Variants in ATG9A observed in about 807,000 individuals in gnomAD.
The protein encoded by ATG9A is autophagy related 9A, also known as autophagy-related protein 9A.
A neutral mutation model predicts 87.1 loss-of-function variants in ATG9A; 21 were observed. The observed-to-expected ratio is 0.24, with a 90% CI of 0.17 to 0.35. ATG9A has a LOEUF of 0.35. Among genes scored for constraint, ATG9A ranks in the 10% least tolerant of loss-of-function variants. The pLI is 1.00. For missense variants in ATG9A, 836 were observed against 1,107.3 expected (o/e 0.76, Z 3.48); for synonymous variants, 422 against 441.3 (o/e 0.96, Z 0.55).
rs369827739 is a variant in ATG9A, at chr2:219,224,229, G to A, written c.1142C>T (p.Ala381Val). The A allele has an allele frequency of 6.2e-7, 1 of 1,613,894 alleles. No individual in the cohort carries two copies. Among genetic ancestry groups the A allele is most frequent in the South Asian group, 1.1e-5 (1 of 91,086 alleles). ...PLLTLLAKNG[A>V]FFAGSILAVL... ...AGCCAGGATGGAGCCAGCGAAGAAG[G>A]CTCCATTCTTGGCCAGCAGTGTCAA... The change falls in exon 8 of 16, where the codon GCC becomes GTC. Residue 381 changes from alanine (A) to valine (V), a missense_variant. This residue lies in a region of ATG9A where 512 missense variants were observed against 759.6 expected (regional missense o/e 0.67). Coordinates refer to ENST00000361242, the MANE Select transcript of ATG9A (RefSeq NM_001077198.3). The surrounding 1 kb of genome is among the most constrained non-coding windows in gnomAD (Gnocchi z 7.7).
At position 219,224,219 on chromosome 2, in the gene ATG9A, A is replaced by G; in HGVS notation, c.1152T>C (p.Ala384=). 5 of 1,613,886 alleles carry G rather than the reference A, an allele frequency of 3.1e-6. No individual in the cohort carries two copies. The highest frequency in any genetic ancestry group is 4.2e-6 in the Non-Finnish European group (5 of 1,180,044). ...CAATAAGCACAGCCAGGATGGAGCC[A>G]GCGAAGAAGGCTCCATTCTTGGCCA... The part of the protein sequence containing the change: ...TLLAKNGAFF[A]GSILAVLIAL... Residue 384 remains alanine (A), a synonymous_variant, in exon 8 of 16, where the codon GCT becomes GCC. Transcript: ENST00000361242. The surrounding 1 kb of genome is among the most constrained non-coding windows in gnomAD (Gnocchi z 7.7).
chr2:219,222,558 G>A lies in ATG9A; in HGVS notation c.1848+87C>T, dbSNP rs1019971678. On this transcript the variant is annotated intron_variant, in intron 11 of 15. Transcript: ENST00000361242. This position sits in a 1 kb window ranked among gnomAD's most constrained non-coding sequence, Gnocchi z 4.3. ...AGTGGCACATACTGAAGAGACAGCA[G>A]GAAGCCTTCCACCCCATGCCCGGTC... 1.3e-6 allele frequency: 2 copies of A among 1,586,230 alleles called. No individual in the cohort carries two copies. Among genetic ancestry groups the A allele is most frequent in the Admixed American group, 1.7e-5 (1 of 58,818 alleles).
At chr2:219,225,656 G>T (rs1413370119) in intron 5 of ATG9A, 84 bp from the exon 6 acceptor site, 23 of 1,462,334 alleles carry the variant, frequency 1.6e-5, no homozygotes, top group Non-Finnish European at 2.1e-5. Context: ...GTCTGGAGGT[G>T]GCAGAACAAG....
rs1441264495 is a variant in ATG9A at position 219,220,900 on chromosome 2, G to A, written c.2369-8C>T. The A allele has an allele frequency of 1.2e-6, 2 of 1,612,806 alleles. No individual in the cohort carries two copies. The highest frequency in any genetic ancestry group is 1.3e-5 in the African/African-American group (1 of 74,760). On this transcript the variant is annotated splice_region_variant and splice_polypyrimidine_tract_variant and intron_variant, in intron 14 of 15. Transcript: ENST00000361242. ...TGGGCACTGTGCCAGGATCTGGAGAGACAAGTAAGAGTAAGCATACTCATA... is the reference window on the plus strand; with the variant it reads ...TGGGCACTGTGCCAGGATCTGGAGAAACAAGTAAGAGTAAGCATACTCATA...
At chr2:219,228,957 A>G (rs1331452821) in intron 1 of ATG9A, 1 of 152,076 alleles carries the variant, frequency 6.6e-6, no homozygotes, top group African/African-American at 2.4e-5. Context: ...TCCTAGGTGA[A>G]TTTGTGGGTT....
rs759728426 is a variant in ATG9A, at chr2:219,223,936, T to C, written c.1352A>G (p.His451Arg). Reference sequence around the variant, plus strand: ...CGAGCGGTGGGCATTACCCTGCCAGTGGTCAGGCATGTAGTGGATGTGAGC... The same window carrying C: ...CGAGCGGTGGGCATTACCCTGCCAGCGGTCAGGCATGTAGTGGATGTGAGC... ...ILAHIHYMPDHWQGNAHRSQT... is the reference protein window; with the variant it reads ...ILAHIHYMPDRWQGNAHRSQT... Residue 451 changes from histidine to arginine, a missense_variant, in exon 9 of 16, where the codon CAC becomes CGC. Around this residue, in one of 2 missense-constraint regions of ATG9A, gnomAD observed 512 missense variants for 759.6 expected, o/e 0.67. Coordinates refer to ENST00000361242, the MANE Select transcript of ATG9A (RefSeq NM_001077198.3). This position sits in a 1 kb window ranked among gnomAD's most constrained non-coding sequence, Gnocchi z 4.7. 3 of 1,614,030 alleles carry C rather than the reference T, an allele frequency of 1.9e-6. No homozygotes were observed. The highest frequency in any genetic ancestry group is 2.5e-6 in the Non-Finnish European group (3 of 1,179,978).
chr2:219,222,391 G>A lies in ATG9A; in HGVS notation c.1908C>T (p.Pro636=), dbSNP rs749621371. 6.3e-7 allele frequency: 1 copy of A among 1,599,022 alleles called. No homozygotes were observed. Among genetic ancestry groups the A allele is most frequent in the Admixed American group, 1.7e-5 (1 of 57,200 alleles). Reference sequence around the variant, plus strand: ...TGTGCCTGGAGCCCTGCAGGTCTCTGGGCAGTGGAGGGCCCCGGCAGGATG... The same window carrying A: ...TGTGCCTGGAGCCCTGCAGGTCTCTAGGCAGTGGAGGGCCCCGGCAGGATG... The part of the protein sequence containing the change: ...AGSSCRGPPL[P]RDLQGSRHRA... Residue 636 remains proline, a synonymous_variant, in exon 12 of 16, where the codon CCC becomes CCT. Coordinates refer to ENST00000361242, the MANE Select transcript of ATG9A (RefSeq NM_001077198.3). This position sits in a 1 kb window ranked among gnomAD's most constrained non-coding sequence, Gnocchi z 4.3.
rs144230853 is a variant in ATG9A at position 219,226,754 on chromosome 2, G to A, written c.212+115C>T. 545 of 947,890 alleles carry A rather than the reference G, an allele frequency of 5.7e-4. 1 individual carries two copies. The African/African-American group carries it at 7.7e-3, about 13-fold the overall frequency. The allele number at this position is 947,890 out of a possible 1,614,324, so 58.7% of individuals were successfully genotyped here. A position where few individuals can be genotyped will look rare whatever the true frequency, so the allele number is the denominator to read the frequency against. ...CAGTCCCTGAACTACAAAGGTTTAC[G>A]GAGTTTTAGCCTAGGACTGAGTTGT... On this transcript the variant is annotated intron_variant, in intron 5 of 15. Transcript: ENST00000361242.
In ATG9A at chr2:219,222,432, T is replaced by C. The variant is rs1214617299; in HGVS notation, c.1867A>G (p.Asn623Asp). 6.4e-6 allele frequency: 10 copies of C among 1,571,638 alleles called. No individual in the cohort carries two copies. The South Asian group carries it at 7.1e-5, about 11-fold the overall frequency. ...SESEPLSLIA[N>D]VVAGSSCRGP... ...CGGCAGGATGAGCCAGCTACCACAT[T>C]TGCGATAAGGCTCAGGGGCTATGAA... The change falls in exon 12 of 16, where the codon AAT becomes GAT. Residue 623 changes from asparagine to aspartate, a missense_variant. By Grantham distance (23) the Asn-to-Asp change is conservative. Around this residue, in one of 2 missense-constraint regions of ATG9A, gnomAD observed 324 missense variants for 347.6 expected, o/e 0.93. Transcript: ENST00000361242. The surrounding 1 kb of genome is among the most constrained non-coding windows in gnomAD (Gnocchi z 4.3).
In ATG9A at chr2:219,221,168, A is replaced by G. The variant is rs373408154; in HGVS notation, c.2280T>C (p.Ala760=). The change falls in exon 14 of 16, where the codon GCT becomes GCC. Residue 760 remains alanine (A), a synonymous_variant. Coordinates refer to ENST00000361242, the MANE Select transcript of ATG9A (RefSeq NM_001077198.3). ...ARAPQSIPRS[A]SYPCAAPRPG... is the part of the protein sequence containing the mutation. ...GCCGGGGTGCTGCACAGGGATAGCT[A>G]GCAGAGCGAGGGATAGACTGGGGGG... 605 of 1,606,092 alleles carry G rather than the reference A, an allele frequency of 3.8e-4. No homozygotes were observed. The highest frequency in any genetic ancestry group is 4.9e-4 in the Non-Finnish European group (577 of 1,176,426).
intron 15 of ATG9A, 34 bp from the exon 16 acceptor site, chr2:219,220,486 C>G (rs1303561688): frequency 6.2e-7 from 1 of 1,613,086 alleles, no homozygotes; most frequent in South Asian, 1.1e-5. Flanking sequence ...TGGAGATAGT[C>G]TTCAGCTTCT....
In ATG9A at chr2:219,223,379, C is replaced by T. The variant is rs1037318953; in HGVS notation, c.1599+206G>A. Among the ~76,000 whole-genome samples, 7 of 152,156 alleles carry T rather than the reference C, an allele frequency of 4.6e-5. No individual in the cohort carries two copies. Among genetic ancestry groups the T allele is most frequent in the Non-Finnish European group, 7.3e-5 (5 of 68,030 alleles). On this transcript the variant is annotated intron_variant, in intron 10 of 15. Transcript: ENST00000361242. The surrounding 1 kb of genome is among the most constrained non-coding windows in gnomAD (Gnocchi z 4.7). ...CTGGGATTACAGACGTGAGCCACCG[C>T]GCCTGGCCGTGTTGTGCCTTTCTTA... is the stretch of plus-strand genomic sequence containing the variant.
At position 219,224,968 on chromosome 2, in the gene ATG9A, T is replaced by G; in HGVS notation, c.516+103A>C. On this transcript the variant is annotated intron_variant, in intron 7 of 15. Transcript: ENST00000361242. This position sits in a 1 kb window ranked among gnomAD's most constrained non-coding sequence, Gnocchi z 7.7. The stretch of plus-strand genomic sequence containing the variant: ...GGTTGTGAGCTTAAGAGACAGTTCC[T>G]GATTTGTCAATGACAGATAAGGATA... The G allele has an allele frequency of 6.3e-7, 1 of 1,576,322 alleles. No homozygotes were observed. The highest frequency in any genetic ancestry group is 8.7e-7 in the Non-Finnish European group (1 of 1,152,748).
rs1452105910 is a variant in ATG9A, at chr2:219,221,118, A to G, written c.2330T>C (p.Leu777Pro). ...GTAGCGCCTCTGGAAGCCCCCATGC[A>G]GGGCAGTGGTCTCAGGAGCTCCAGG... ...PRPGAPETTA[L>P]HGGFQRRYGG... The change falls in exon 14 of 16, where the codon CTG becomes CCG. Residue 777 changes from leucine (L) to proline (P), a missense_variant. Transcript: ENST00000361242. 1 of 1,612,790 alleles carries G rather than the reference A, an allele frequency of 6.2e-7. No individual in the cohort carries two copies. Among genetic ancestry groups the G allele is most frequent in the Non-Finnish European group, 8.5e-7 (1 of 1,179,534 alleles).
rs954410528 is a variant in ATG9A, at chr2:219,229,574, G to A, written c.-121C>T. On this transcript the variant is annotated 5_prime_UTR_variant, in exon 1 of 16. Coordinates refer to ENST00000361242, the MANE Select transcript of ATG9A (RefSeq NM_001077198.3). This position sits in a 1 kb window ranked among gnomAD's most constrained non-coding sequence, Gnocchi z 4.2. ...CCCGGGTGATTCCAGAGGCTCCGCC[G>A]GCTCCGCTCGGCTCGGCTCGGCTCG... 1.0e-3 allele frequency: 156 copies of A among 152,790 alleles called. 1 individual carries two copies. Among genetic ancestry groups the A allele is most frequent in the Middle Eastern group, 6.8e-3 (2 of 296 alleles). 9.5% of individuals were successfully genotyped at this position (152,790 alleles called of 1,614,324 possible).
rs2276635 is a variant in ATG9A at position 219,222,719 on chromosome 2, T to C, written c.1774A>G (p.Ser592Gly). ...GGGAGCAGACCCCCTTGGGCGAGGC[T>C]AGCAGCTGCTCCATCCCGCTGAACC... The part of the protein sequence containing the change: ...EQVQRDGAAA[S>G]LAQGGLLPEN... The change falls in exon 11 of 16, where the codon AGC becomes GGC. Residue 592 changes from serine to glycine, a missense_variant. Physicochemically the swap from Ser to Gly is moderately conservative, Grantham distance 56. Transcript: ENST00000361242. The surrounding 1 kb of genome is among the most constrained non-coding windows in gnomAD (Gnocchi z 4.3). 0.088 allele frequency: 142,234 copies of C among 1,614,146 alleles called. 7,386 individuals carry two copies. The highest frequency in any genetic ancestry group is 0.18 in the South Asian group (16,689 of 91,082).
chr2:219,227,664 C>A lies in ATG9A; in HGVS notation c.147+106G>T, dbSNP rs1950890358. On this transcript the variant is annotated intron_variant, in intron 4 of 15. Coordinates refer to ENST00000361242, the MANE Select transcript of ATG9A (RefSeq NM_001077198.3). ...TTCAGCCTCAGGATGAGCTCCATTC[C>A]CGTTTCCAGGTATTAGAGTCAAACC... is the stretch of plus-strand genomic sequence containing the variant. 4.5e-6 allele frequency: 6 copies of A among 1,342,700 alleles called. No individual in the cohort carries two copies. The Admixed American group carries it at 7.8e-5, about 17-fold the overall frequency. 83.2% of individuals were successfully genotyped at this position (1,342,700 alleles called of 1,614,324 possible).
At chr2:219,226,207 T>C (rs1410859553) in intron 5 of ATG9A, among the ~76,000 whole-genome samples, 1 of 152,030 alleles carries the variant, frequency 6.6e-6, no homozygotes, top group Non-Finnish European at 1.5e-5. Context: ...ACCTCCCAGG[T>C]TGAAGCGATT....
In ATG9A at chr2:219,224,693, G is replaced by A. The variant is rs777236077; in HGVS notation, c.678C>T (p.Ser226=). The A allele has an allele frequency of 4.3e-6, 7 of 1,614,234 alleles. No homozygotes were observed. Among genetic ancestry groups the A allele is most frequent in the South Asian group, 1.1e-5 (1 of 91,084 alleles). ...GCAGGCGGAAGCGCAGAGGCAGGAG[G>A]GATTTGTTAACCAGTGCCACCATGT... is the stretch of plus-strand genomic sequence containing the variant. The part of the protein sequence containing the change: ...QNYMVALVNK[S]LLPLRFRLPG... Residue 226 remains serine (S), a synonymous_variant, in exon 8 of 16, where the codon TCC becomes TCT. Coordinates refer to ENST00000361242, the MANE Select transcript of ATG9A (RefSeq NM_001077198.3). The surrounding 1 kb of genome is among the most constrained non-coding windows in gnomAD (Gnocchi z 7.7).
Sources: gnomAD v4.1 joint callset for allele counts (sites outside exome capture counted in the v4.1 genomes callset) on GRCh38, gnomAD v4.1.1 for gene constraint, gnomAD v4.1.1 regional missense constraint, Gnocchi (gnomAD v3.1) non-coding constraint, MANE v1.5 for transcripts, NCBI Gene and HGNC (gene_info 2026-07-23, HGNC 2026-07-21) for gene names.